Variants in RAB40C observed in about 807,000 individuals in gnomAD.
RAB40C encodes RAB40C, member RAS oncogene family, also known as ras-related protein Rab-40C.
In RAB40C, 8 loss-of-function variants were observed where a neutral mutation model predicts 28.1. That is an observed-to-expected ratio of 0.28 (90% CI 0.17 to 0.51). The LOEUF (loss-of-function observed/expected upper bound fraction) is 0.51. RAB40C is among the 20% of genes least tolerant of loss of function. The pLI is 0.97. For synonymous variants in RAB40C, 201 were observed against 171.7 expected (o/e 1.17, Z -1.34); for missense variants, 288 against 405.9 (o/e 0.71, Z 2.50).
intron 2 of RAB40C, 74 bp downstream of exon 2, chr16:617,342 A>G: frequency 6.4e-7 from 1 of 1,559,426 alleles, no homozygotes; most frequent in African/African-American, 1.4e-5. Flanking sequence ...ACCCTTAGAG[A>G]AACAGGAAGG....
chr16:625,016 C>G, intron 3 of RAB40C: 1 of 1,290,806 alleles, frequency 7.7e-7, no homozygotes, highest in Non-Finnish European at 1.0e-6. Context: ...GGTTGGAAAA[C>G]TCAGAAATGC....
chr16:590,464 C>A, intron 1 of RAB40C, 31 bp downstream of exon 1: 1 of 1,524,782 alleles, frequency 6.6e-7, no homozygotes, highest in South Asian at 1.2e-5. Context: ...CGCGCTGCTA[C>A]GCGGGGCCCG....
Position 590,666 on chromosome 16 carries a change from G to A in RAB40C, c.142+233G>A, listed in dbSNP as rs113333691. 7.9e-5 allele frequency among the ~76,000 whole-genome samples: 12 copies of A among 152,360 alleles called. 1 individual carries two copies. Among genetic ancestry groups the A allele is most frequent in the African/African-American group, 2.9e-4 (12 of 41,588 alleles). On this transcript the variant is annotated intron_variant, in intron 1 of 5. Coordinates refer to ENST00000248139, the MANE Select transcript of RAB40C (RefSeq NM_021168.5). Reference sequence around the variant, plus strand: ...GAGGGACGCGCCCAGCGGGGACGGTGCCATGGACCCGGGGTCTGGGGGACG... The same window carrying A: ...GAGGGACGCGCCCAGCGGGGACGGTACCATGGACCCGGGGTCTGGGGGACG...
rs1006280483 is a variant in RAB40C at position 624,727 on chromosome 16, T to C, written c.265-705T>C. 8 of 985,282 alleles carry C rather than the reference T, an allele frequency of 8.1e-6. No homozygotes were observed. In the African/African-American group the frequency reaches 8.7e-5, roughly 11 times the overall value. 61.0% of individuals were successfully genotyped at this position (985,282 alleles called of 1,614,324 possible). On this transcript the variant is annotated intron_variant, in intron 3 of 5. Transcript: ENST00000248139. ...CAGAATTGTAGGGTGGGAGTGGACGTTGGGGAGAGGCGGGCATAGGGGAAT... is the reference window on the plus strand; with the variant it reads ...CAGAATTGTAGGGTGGGAGTGGACGCTGGGGAGAGGCGGGCATAGGGGAAT...
At chr16:609,821 T>C (rs2036444492) in intron 1 of RAB40C, among the ~76,000 whole-genome samples, 1 of 151,908 alleles carries the variant, frequency 6.6e-6, no homozygotes, top group Non-Finnish European at 1.5e-5. Context: ...CCTGCAGAGG[T>C]CACCCTGGCT....
chr16:609,561 G>T (rs952907757), intron 1 of RAB40C, among the ~76,000 whole-genome samples: 1 of 152,104 alleles, frequency 6.6e-6, no homozygotes, highest in Non-Finnish European at 1.5e-5. Flanking sequence ...CAGAATGTGA[G>T]GAAAGACCCA....
chr16:626,192 G>T lies in RAB40C; in HGVS notation c.565+71G>T, dbSNP rs970382023. ...CTGCCCTGATCACATGGAGGCTGAG[G>T]GGGGCCAGGGGCCAGTGAGGGAGGT... is the stretch of plus-strand genomic sequence containing the variant. On this transcript the variant is annotated intron_variant, in intron 5 of 5. Coordinates refer to ENST00000248139, the MANE Select transcript of RAB40C (RefSeq NM_021168.5). 7 of 1,455,598 alleles carry T rather than the reference G, an allele frequency of 4.8e-6. 1 individual carries two copies. Among genetic ancestry groups the T allele is most frequent in the South Asian group, 4.6e-5 (4 of 86,782 alleles). 90.2% of individuals were successfully genotyped at this position (1,455,598 alleles called of 1,614,324 possible).
At chr16:595,935 G>C (rs545407310) in intron 1 of RAB40C, among the ~76,000 whole-genome samples, 1 of 152,316 alleles carries the variant, frequency 6.6e-6, no homozygotes, top group South Asian at 2.1e-4. Context: ...GGACTGGCAT[G>C]GCCTTACTTA....
At chr16:618,803 T>TGTGTGTGCACAGGTGTA (rs1567192673) in intron 3 of RAB40C, among the ~76,000 whole-genome samples, 1 of 133,460 alleles carries the variant, frequency 7.5e-6, no homozygotes, top group Non-Finnish European at 1.6e-5. Context: ...CTTGGAGCTG[T>TGTGTGTGCACAGGTGTA]GTGTGTGCAC....
chr16:619,526 A>C lies in RAB40C; in HGVS notation c.264+1266A>C, dbSNP rs375327956. Among the ~76,000 whole-genome samples the C allele has an allele frequency of 2.5e-4, 38 of 152,344 alleles. 1 individual carries two copies. The East Asian group carries it at 3.9e-3, about 15-fold the overall frequency. The stretch of plus-strand genomic sequence containing the variant: ...GCAAGGACGTGAAGCCCATGTAAAC[A>C]GACCTGTCATGGCCACTGTTGTTGC... On this transcript the variant is annotated intron_variant, in intron 3 of 5. Coordinates refer to ENST00000248139, the MANE Select transcript of RAB40C (RefSeq NM_021168.5).
At chr16:591,757 A>G (rs1021440431) in intron 1 of RAB40C, among the ~76,000 whole-genome samples, 11 of 151,728 alleles carry the variant, frequency 7.2e-5, no homozygotes, top group African/African-American at 2.2e-4. Flanking sequence ...ACGCCCGGCT[A>G]ATTTTGTTGT....
At chr16:617,500 C>T (rs571834717) in intron 2 of RAB40C, among the ~76,000 whole-genome samples, 24 of 152,300 alleles carry the variant, frequency 1.6e-4, no homozygotes, top group Admixed American at 3.3e-4. Flanking sequence ...AACCTGATTC[C>T]GTGGTGGCTG....
At chr16:596,473 C>T (rs532235428) in intron 1 of RAB40C, 33 of 351,836 alleles carry the variant, frequency 9.4e-5, no homozygotes, top group African/African-American at 2.8e-4. Flanking sequence ...CACCGAGGGC[C>T]GTTCTGGGGC....
In RAB40C at chr16:624,819, C is replaced by T. The variant is rs2036793671; in HGVS notation, c.265-613C>T. On this transcript the variant is annotated intron_variant, in intron 3 of 5. Transcript: ENST00000248139. ...GTGAGCAGTGTGCTCCCCTGTGCTG[C>T]TGGAGAGCCATGACTGTCACTGCCG... 3 of 985,302 alleles carry T rather than the reference C, an allele frequency of 3.0e-6. No individual in the cohort carries two copies. In the African/African-American group the frequency reaches 5.2e-5, roughly 17 times the overall value. 61.0% of individuals were successfully genotyped at this position (985,302 alleles called of 1,614,324 possible).
intron 1 of RAB40C, among the ~76,000 whole-genome samples, chr16:605,823 C>T (rs1392290185): frequency 6.6e-6 from 1 of 152,152 alleles, no homozygotes; most frequent in Non-Finnish European, 1.5e-5. Flanking sequence ...GGAAGCTGGG[C>T]TGTAGGGCCT....
chr16:599,210 C>A (rs963213109), intron 1 of RAB40C, among the ~76,000 whole-genome samples: 2 of 152,272 alleles, frequency 1.3e-5, no homozygotes, highest in Non-Finnish European at 2.9e-5. Flanking sequence ...CCGGCCCCGG[C>A]CGAAGCTGCC....
rs1470757171 is a variant in RAB40C, at chr16:627,408, A to C, written c.632A>C (p.Lys211Thr). The C allele has an allele frequency of 1.6e-5, 26 of 1,613,760 alleles. No homozygotes were observed. Among genetic ancestry groups the C allele is most frequent in the Non-Finnish European group, 2.2e-5 (26 of 1,179,982 alleles). The change falls in exon 6 of 6, where the codon AAG (lysine) becomes ACG (threonine). Residue 211 changes from lysine (K) to threonine (T), a missense_variant. Physicochemically the swap from Lys to Thr is moderately conservative, Grantham distance 78 (BLOSUM62 -1). Transcript: ENST00000248139. ...TGCACCCCCGTGCACCTCATCGACAAGCTTCCACTGCCCGTCACCATCAAG... is the reference window on the plus strand; with the variant it reads ...TGCACCCCCGTGCACCTCATCGACACGCTTCCACTGCCCGTCACCATCAAG... The part of the protein sequence containing the change: ...VSCTPVHLID[K>T]LPLPVTIKSH...
chr16:608,502 TG>T (rs2036413470), intron 1 of RAB40C, among the ~76,000 whole-genome samples: 1 of 152,206 alleles, frequency 6.6e-6, no homozygotes, highest in Non-Finnish European at 1.5e-5. Flanking sequence ...GCTGCCAATC[TG>T]TGGCCCTCAG....
chr16:609,127 T>G (rs1596406350), intron 1 of RAB40C, among the ~76,000 whole-genome samples: 1 of 151,900 alleles, frequency 6.6e-6, no homozygotes. Flanking sequence ...AAAATAAAAA[T>G]AAAAACGTGG....
Sources: allele counts gnomAD v4.1 joint callset (sites outside exome capture counted in the v4.1 genomes callset), GRCh38; gene constraint gnomAD v4.1.1; transcripts MANE v1.5; gene names NCBI Gene and HGNC (gene_info 2026-07-23, HGNC 2026-07-21).